Variants in KDM4C observed in about 807,000 individuals in gnomAD.
The protein encoded by KDM4C is lysine demethylase 4C, also known as lysine-specific demethylase 4C.
KDM4C carries 81 observed loss-of-function variants against 129.3 expected under a neutral mutation model. The observed-to-expected ratio is 0.63, with a 90% CI of 0.52 to 0.75. The LOEUF is 0.75. Ranked by LOEUF, KDM4C falls within the 30% of genes least tolerant of loss-of-function variation. The pLI is 0.00. For synonymous variants in KDM4C, 573 were observed against 456.1 expected, an observed-to-expected ratio of 1.26 and a Z score of -3.26; for missense variants, 1,457 against 1,304.0, an observed-to-expected ratio of 1.12 and a Z score of -1.81.
At chr9:6,853,081 G>A (rs1277315003) in intron 5 of KDM4C, among the ~76,000 whole-genome samples, 32 of 152,004 alleles carry the variant, frequency 2.1e-4, no homozygotes, top group Admixed American at 2.1e-3. Context: ...AACACACAGG[G>A]CCTGGCTATA....
chr9:6,905,512 A>C (rs1236923427), intron 8 of KDM4C, among the ~76,000 whole-genome samples: 1 of 152,156 alleles, frequency 6.6e-6, no homozygotes, highest in Non-Finnish European at 1.5e-5. Context: ...AATATCAGAG[A>C]GGTTCTTCTG....
rs141856924 is a variant in KDM4C at position 6,885,351 on chromosome 9, C to T, written c.680-2609C>T. Among the ~76,000 whole-genome samples, 523 of 152,258 alleles carry T rather than the reference C, an allele frequency of 3.4e-3. 3 individuals are homozygous for T. Among genetic ancestry groups the T allele is most frequent in the African/African-American group, 0.012 (492 of 41,540 alleles). ...CACTTTTACATTGTATGTGAAACAT[C>T]CTTTGGATGGGTATAGCACGTGATC... On this transcript the variant is annotated intron_variant, in intron 6 of 21. Coordinates refer to ENST00000381309, the MANE Select transcript of KDM4C (RefSeq NM_015061.6).
chr9:6,721,130 G>C, intron 1 of KDM4C: 1 of 748,976 alleles, frequency 1.3e-6, no homozygotes, highest in South Asian at 1.8e-5. Flanking sequence ...CTAGAGGGCA[G>C]TGGTGCAATC....
At chr9:6,764,852 A>C (rs1476986507) in intron 1 of KDM4C, among the ~76,000 whole-genome samples, 1 of 152,210 alleles carries the variant, frequency 6.6e-6, no homozygotes, top group Non-Finnish European at 1.5e-5. Context: ...TAAGTATAAC[A>C]AATGTAACTC....
intron 17 of KDM4C, among the ~76,000 whole-genome samples, chr9:7,055,859 A>G (rs990049378): frequency 4.6e-5 from 7 of 152,196 alleles, no homozygotes; most frequent in Non-Finnish European, 7.3e-5. Context: ...GTTCGTGAGC[A>G]ACTTGGCTTT....
chr9:6,909,517 G>C (rs933824767), intron 8 of KDM4C, among the ~76,000 whole-genome samples: 1 of 152,084 alleles, frequency 6.6e-6, no homozygotes, highest in Non-Finnish European at 1.5e-5. Flanking sequence ...TCACCAGAAG[G>C]GTAGGTGGGT....
intron 17 of KDM4C, 55 bp downstream of exon 17, chr9:7,049,255 G>T: frequency 1.0e-6 from 1 of 965,718 alleles, no homozygotes; most frequent in Non-Finnish European, 1.6e-6. Context: ...TTCAAGTTCT[G>T]AATTTTTCCA....
chr9:6,758,108 A>G lies in KDM4C; in HGVS notation c.-113A>G, dbSNP rs1467346306. 2.0e-6 allele frequency: 2 copies of G among 985,354 alleles called. No homozygotes were observed. The highest frequency in any genetic ancestry group is 2.4e-6 in the Non-Finnish European group (2 of 830,030). The allele number at this position is 985,354 out of a possible 1,614,324, so 61.0% of individuals were successfully genotyped here. A position where few individuals can be genotyped will look rare whatever the true frequency, so the allele number is the denominator to read the frequency against. On this transcript the variant is annotated 5_prime_UTR_variant, in exon 1 of 22. Coordinates refer to ENST00000381309, the MANE Select transcript of KDM4C (RefSeq NM_015061.6). The surrounding 1 kb of genome is among the most constrained non-coding windows in gnomAD (Gnocchi z 4.6). The stretch of plus-strand genomic sequence containing the variant: ...GAACAGCTGTCACCTAGTGCGGAAC[A>G]AGTCTCCCAAATTTCCCAAATCTCC...
chr9:6,783,960 G>C (rs1824918371), intron 1 of KDM4C, among the ~76,000 whole-genome samples: 1 of 152,120 alleles, frequency 6.6e-6, no homozygotes, highest in Non-Finnish European at 1.5e-5. Flanking sequence ...GAGTCTAGGA[G>C]GGGACATGAC....
At chr9:6,834,534 C>G in intron 4 of KDM4C, 1 of 674,544 alleles carries the variant, frequency 1.5e-6, no homozygotes. Flanking sequence ...TGACGATGAC[C>G]CCCGGCCGTC....
rs574804910 is a variant in KDM4C at position 6,873,071 on chromosome 9, C to T, written c.630-6941C>T. Among the ~76,000 whole-genome samples the T allele has an allele frequency of 4.6e-5, 7 of 152,188 alleles. No homozygotes were observed. The South Asian group carries it at 8.3e-4, about 18-fold the overall frequency. ...CCTTCTGAGTAGTTGGGATTACAGG[C>T]GCGCACCACTCCACCTCTTGGGTTC... On this transcript the variant is annotated intron_variant, in intron 5 of 21. Transcript: ENST00000381309.
intron 18 of KDM4C, among the ~76,000 whole-genome samples, chr9:7,110,149 C>T (rs1304431884): frequency 1.3e-5 from 2 of 152,070 alleles, no homozygotes; most frequent in African/African-American, 2.4e-5. Flanking sequence ...TTGTTTTTTT[C>T]GCAGTGGGAA....
chr9:6,810,486 TA>T (rs1588435849), intron 3 of KDM4C, among the ~76,000 whole-genome samples: 1 of 152,228 alleles, frequency 6.6e-6, no homozygotes, highest in East Asian at 1.9e-4. Flanking sequence ...AGAGATGGTT[TA>T]AAAAATTTTT....
At position 7,144,180 on chromosome 9, in the gene KDM4C, G is replaced by A. The variant is rs181271924; in HGVS notation, c.2781+15944G>A. Among the ~76,000 whole-genome samples the A allele has an allele frequency of 3.8e-4, 58 of 151,490 alleles. 1 individual carries two copies. The East Asian group carries it at 7.6e-3, about 20-fold the overall frequency. On this transcript the variant is annotated intron_variant, in intron 19 of 21. Transcript: ENST00000381309. Reference sequence around the variant, plus strand: ...TGTCCAGACTGGTCTCAAACTATTGGGCTCAAGCGATACGCTCACCTCGGC... The same window carrying A: ...TGTCCAGACTGGTCTCAAACTATTGAGCTCAAGCGATACGCTCACCTCGGC...
At chr9:7,031,491 A>C (rs1389317839) in intron 15 of KDM4C, among the ~76,000 whole-genome samples, 1 of 152,156 alleles carries the variant, frequency 6.6e-6, no homozygotes, top group African/African-American at 2.4e-5. Context: ...TAACAATTAG[A>C]TATAAGCAAA....
intron 5 of KDM4C, among the ~76,000 whole-genome samples, chr9:6,865,198 C>T (rs546776985): frequency 6.6e-5 from 10 of 152,054 alleles, no homozygotes; most frequent in East Asian, 1.9e-4. Context: ...TTAGTAGAGA[C>T]GGGGTTTCAC....
intron 4 of KDM4C, among the ~76,000 whole-genome samples, chr9:6,825,417 G>C (rs1000353927): frequency 6.6e-6 from 1 of 152,180 alleles, no homozygotes; most frequent in Non-Finnish European, 1.5e-5. Flanking sequence ...CTTATCTATT[G>C]CACATAGATG....
At chr9:7,103,611 T>G in intron 17 of KDM4C, 74 bp from the exon 18 acceptor site, 1 of 1,085,226 alleles carries the variant, frequency 9.2e-7, no homozygotes, top group Non-Finnish European at 1.4e-6. Context: ...CTAGTAGCTA[T>G]TGTTCTGTAA....
At chr9:6,810,418 G>T (rs1431658770) in intron 3 of KDM4C, among the ~76,000 whole-genome samples, 4 of 151,974 alleles carry the variant, frequency 2.6e-5, no homozygotes, top group Non-Finnish European at 4.4e-5. Flanking sequence ...AAATTTTTAG[G>T]CAAATTGTAA....
Sources: gnomAD v4.1 joint callset for allele counts (sites outside exome capture counted in the v4.1 genomes callset) on GRCh38, gnomAD v4.1.1 for gene constraint, Gnocchi (gnomAD v3.1) non-coding constraint, MANE v1.5 for transcripts, NCBI Gene and HGNC (gene_info 2026-07-23, HGNC 2026-07-21) for gene names.